BORCS5: variants seen among roughly 807,000 people sequenced by gnomAD.
BORCS5 encodes BLOC-1-related complex subunit 5.
A neutral mutation model predicts 22.1 loss-of-function variants in BORCS5; 17 were observed. The ratio of observed to expected loss-of-function variants is 0.77; its 90% CI spans 0.53 to 1.15. The LOEUF (loss-of-function observed/expected upper bound fraction) is 1.15. BORCS5 is among the 50% of genes most tolerant of loss of function. The probability of loss-of-function intolerance (pLI) is 0.00; values close to 1 mark genes in which losing one functional copy is unlikely to be tolerated. For missense variants in BORCS5, 247 were observed against 253.2 expected (o/e 0.98, Z 0.17); for synonymous variants, 117 against 99.8 (o/e 1.17, Z -1.03).
At chr12:12,445,529 CTTTT>C (rs56356376) in intron 3 of BORCS5, among the ~76,000 whole-genome samples, 1 of 39,010 alleles carries the variant, frequency 2.6e-5, no homozygotes, top group Non-Finnish European at 4.3e-5. Context: ...TTTGAAATAC[CTTTT>C]TTTTTTTTTT....
intron 2 of BORCS5, among the ~76,000 whole-genome samples, chr12:12,392,934 A>AT (rs1421298572): frequency 2.6e-5 from 4 of 152,026 alleles, no homozygotes; most frequent in Admixed American, 1.3e-4. Flanking sequence ...AATCTCCTTC[A>AT]TAAAAAAAGG....
At chr12:12,445,527 A>T (rs1413105003) in intron 3 of BORCS5, among the ~76,000 whole-genome samples, 2,423 of 36,346 alleles carry the variant, frequency 0.067, no homozygotes, top group Non-Finnish European at 0.075. Context: ...AATTTGAAAT[A>T]CCTTTTTTTT....
chr12:12,398,354 T>C (rs1941397834), intron 2 of BORCS5, among the ~76,000 whole-genome samples: 1 of 152,066 alleles, frequency 6.6e-6, no homozygotes, highest in Non-Finnish European at 1.5e-5. Flanking sequence ...TAAAGAATTA[T>C]GGAGGGAAAA....
intron 3 of BORCS5, 81 bp from the exon 4 acceptor site, chr12:12,465,465 T>C: frequency 8.2e-7 from 1 of 1,225,258 alleles, no homozygotes; most frequent in South Asian, 1.3e-5. Flanking sequence ...CGGGACTGTG[T>C]CCCTCACAGG....
intron 3 of BORCS5, among the ~76,000 whole-genome samples, chr12:12,458,109 T>C (rs1458413955): frequency 6.6e-6 from 1 of 152,238 alleles, no homozygotes; most frequent in Non-Finnish European, 1.5e-5. Flanking sequence ...GGGTAACATC[T>C]GCCTACTGTT....
At chr12:12,378,450 C>T (rs1863703062) in intron 2 of BORCS5, among the ~76,000 whole-genome samples, 1 of 152,154 alleles carries the variant, frequency 6.6e-6, no homozygotes, top group Admixed American at 6.5e-5. Context: ...TATATAGTAC[C>T]TCTCACTTAA....
At chr12:12,357,676 C>T (rs1458586773) in intron 1 of BORCS5, among the ~76,000 whole-genome samples, 167 bp downstream of exon 1, 2 of 152,164 alleles carry the variant, frequency 1.3e-5, no homozygotes, top group African/African-American at 2.4e-5. Context: ...CTCGATTCCC[C>T]TGATGGAAGT....
At chr12:12,412,960 A>T in intron 2 of BORCS5, among the ~76,000 whole-genome samples, 6 of 79,686 alleles carry the variant, frequency 7.5e-5, no homozygotes, top group South Asian at 5.1e-4. Context: ...ACAGAGGGGG[A>T]TTTGGCAGGG....
intron 2 of BORCS5, among the ~76,000 whole-genome samples, chr12:12,423,995 T>G (rs1681171913): frequency 6.6e-6 from 1 of 152,212 alleles, no homozygotes; most frequent in African/African-American, 2.4e-5. Context: ...TGGCCCTTTC[T>G]AAAGGTTGAT....
chr12:12,448,859 A>G (rs529657159), intron 3 of BORCS5, among the ~76,000 whole-genome samples: 37 of 152,248 alleles, frequency 2.4e-4, no homozygotes, highest in African/African-American at 8.7e-4. Context: ...TTATTCTTTC[A>G]TCCTGTCTCC....
At position 12,466,250 on chromosome 12, in the gene BORCS5, G is replaced by T. The variant is rs118166943; in HGVS notation, c.*474G>T. ...CTAATTGAATCTAGGTCTCTGTATT[G>T]TTCCTGTTTCTACCCTGACTGTTTC... On this transcript the variant is annotated 3_prime_UTR_variant, in exon 4 of 4. Transcript: ENST00000314565. 0.02 allele frequency: 3,009 copies of T among 153,474 alleles called. 49 individuals carry two copies. The highest frequency in any genetic ancestry group is 0.03 in the Non-Finnish European group (2,070 of 69,032). The allele number at this position is 153,474 out of a possible 1,614,324, so 9.5% of individuals were successfully genotyped here.
intron 2 of BORCS5, among the ~76,000 whole-genome samples, chr12:12,398,224 C>T (rs566703161): frequency 6.6e-6 from 1 of 152,014 alleles, no homozygotes; most frequent in Non-Finnish European, 1.5e-5. Flanking sequence ...CAAGTTCTTG[C>T]GGGACATCAC....
At position 12,465,415 on chromosome 12, in the gene BORCS5, G is replaced by A. The variant is rs1200902641; in HGVS notation, c.361-131G>A. On this transcript the variant is annotated intron_variant, in intron 3 of 3. Coordinates refer to ENST00000314565, the MANE Select transcript of BORCS5 (RefSeq NM_058169.6). The stretch of plus-strand genomic sequence containing the variant: ...TGTCCCTGAAGGGCTTTTTAGCCCT[G>A]GGTGCTTCCTGTAAAACTTGTCAGC... 10 of 748,900 alleles carry A rather than the reference G, an allele frequency of 1.3e-5. No homozygotes were observed. The East Asian group carries it at 2.7e-4, about 20-fold the overall frequency. The allele number at this position is 748,900 out of a possible 1,614,324, so 46.4% of individuals were successfully genotyped here.
chr12:12,357,361 C>T lies in BORCS5; in HGVS notation c.-91C>T, dbSNP rs936458689. 76 of 1,518,618 alleles carry T rather than the reference C, an allele frequency of 5.0e-5. No individual in the cohort carries two copies. The highest frequency in any genetic ancestry group is 6.4e-5 in the Non-Finnish European group (72 of 1,127,416). The allele number at this position is 1,518,618 out of a possible 1,614,324, so 94.1% of individuals were successfully genotyped here. On this transcript the variant is annotated 5_prime_UTR_variant, in exon 1 of 4. Transcript: ENST00000314565. ...GCGCCCAGACTCTGCTTTGCCTCCC[C>T]GTCCCGGTCCCTGGCCCCTGCCCTG...
chr12:12,371,564 G>T (rs1863529809), intron 2 of BORCS5, among the ~76,000 whole-genome samples: 1 of 152,206 alleles, frequency 6.6e-6, no homozygotes, highest in Admixed American at 6.5e-5. Flanking sequence ...AAAGTGCTGG[G>T]ATTGCAGGCA....
intron 3 of BORCS5, among the ~76,000 whole-genome samples, chr12:12,457,005 G>GT (rs1274272786): frequency 2.6e-5 from 4 of 151,902 alleles, no homozygotes; most frequent in Admixed American, 6.6e-5. Flanking sequence ...ATGTCATTCG[G>GT]TTTTTTATTC....
intron 2 of BORCS5, among the ~76,000 whole-genome samples, chr12:12,391,631 G>A (rs567121130): frequency 3.0e-4 from 46 of 150,856 alleles, no homozygotes; most frequent in South Asian, 1.3e-3. Flanking sequence ...CAAATGATGC[G>A]CCCGCCTTGG....
chr12:12,414,361 G>T (rs1304394929), intron 2 of BORCS5, among the ~76,000 whole-genome samples: 5 of 108,490 alleles, frequency 4.6e-5, no homozygotes, highest in Non-Finnish European at 1.0e-4. Context: ...CCTCCCGGAC[G>T]GGGTGGCTGG....
At chr12:12,451,895 C>T (rs1263584249) in intron 3 of BORCS5, among the ~76,000 whole-genome samples, 3 of 139,560 alleles carry the variant, frequency 2.1e-5, no homozygotes, top group Non-Finnish European at 4.5e-5. Flanking sequence ...TCCAGCCTGG[C>T]GACAGAGCGA....
Sources: gnomAD v4.1 joint callset for allele counts (sites outside exome capture counted in the v4.1 genomes callset) on GRCh38, gnomAD v4.1.1 for gene constraint, MANE v1.5 for transcripts, NCBI Gene and HGNC (gene_info 2026-07-23, HGNC 2026-07-21) for gene names.